HOMER2: variants seen among roughly 807,000 people sequenced by gnomAD.
HOMER2 encodes the protein homer protein homolog 2.
Under a neutral mutation model 47.0 loss-of-function variants are expected in HOMER2, and 27 were observed. That is an observed-to-expected ratio of 0.57 (90% CI 0.42 to 0.79). HOMER2 has a LOEUF of 0.79. Ranked by LOEUF, HOMER2 falls within the 30% of genes least tolerant of loss-of-function variation. HOMER2 has a pLI of 0.00. For missense variants in HOMER2, 443 were observed against 435.0 expected (o/e 1.02, Z -0.16); for synonymous variants, 161 against 163.8 (o/e 0.98, Z 0.13).
intron 1 of HOMER2, among the ~76,000 whole-genome samples, chr15:82,962,215 G>A (rs373893548): frequency 2.6e-5 from 4 of 151,686 alleles, no homozygotes; most frequent in East Asian, 2.0e-4. Flanking sequence ...CTAAAAATAC[G>A]AAAAATTAGC....
chr15:82,914,714 A>C (rs1006635252), intron 1 of HOMER2, among the ~76,000 whole-genome samples: 1 of 152,212 alleles, frequency 6.6e-6, no homozygotes, highest in Non-Finnish European at 1.5e-5. Flanking sequence ...GGTACATTTT[A>C]TGTGTGTTTT....
chr15:82,849,751 G>A lies in HOMER2; in HGVS notation c.996C>T (p.Phe332=), dbSNP rs2051327900. The change falls in exon 9 of 9, where the codon TTC becomes TTT. Residue 332 remains phenylalanine (F), a synonymous_variant. Transcript: ENST00000450735. The stretch of plus-strand genomic sequence containing the variant: ...TGCCCAGCTTGGAGAGCCCTCGGCG[G>A]AAGTCATGCAGGTCGTCAATCTTCC... ...LDGKIDDLHD[F]RRGLSKLGTD... is the part of the protein sequence containing the mutation. The A allele has an allele frequency of 6.2e-7, 1 of 1,613,876 alleles. No homozygotes were observed. Among genetic ancestry groups the A allele is most frequent in the Non-Finnish European group, 8.5e-7 (1 of 1,179,848 alleles).
At chr15:82,845,921 C>T (rs7178859), downstream of HOMER2, 25,490 of 152,234 alleles carry the variant, frequency 0.17, 2,471 homozygotes, top group Middle Eastern at 0.22. Flanking sequence ...TACGCTCCAC[C>T]CTTTACTTGA....
intron 1 of HOMER2, among the ~76,000 whole-genome samples, chr15:82,897,515 C>T (rs1477612159): frequency 6.6e-6 from 1 of 152,164 alleles, no homozygotes; most frequent in African/African-American, 2.4e-5. Context: ...TATGGAATCC[C>T]CTCCTCTTGA....
Position 82,952,615 on chromosome 15 carries a change from G to T in HOMER2, c.-80C>A, listed in dbSNP as rs1009526924. On this transcript the variant is annotated 5_prime_UTR_variant, in exon 1 of 9. Transcript: ENST00000450735. The stretch of plus-strand genomic sequence containing the variant: ...CCCGCTCGGCAGCCGCTCCCCGCGC[G>T]GCACATGCGGCGGCCCGTGCGCGCC... The T allele has an allele frequency of 3.7e-6, 4 of 1,073,254 alleles. No homozygotes were observed. The highest frequency in any genetic ancestry group is 8.4e-4 in the Middle Eastern group (2 of 2,392). The allele number at this position is 1,073,254 out of a possible 1,614,324, so 66.5% of individuals were successfully genotyped here. A position where few individuals can be genotyped will look rare whatever the true frequency, so the allele number is the denominator to read the frequency against.
chr15:82,889,176 C>T (rs2052633832), intron 2 of HOMER2, among the ~76,000 whole-genome samples: 1 of 152,244 alleles, frequency 6.6e-6, no homozygotes, highest in Non-Finnish European at 1.5e-5. Context: ...CGCATCTGAC[C>T]ACCTGTCATC....
At chr15:82,863,190 C>A (rs1471699686) in intron 4 of HOMER2, among the ~76,000 whole-genome samples, 1 of 151,890 alleles carries the variant, frequency 6.6e-6, no homozygotes, top group Non-Finnish European at 1.5e-5. Context: ...CATTTGCAAC[C>A]CCCTCCCCGG....
chr15:82,891,144 C>T (rs979730728), intron 2 of HOMER2, among the ~76,000 whole-genome samples: 24 of 152,120 alleles, frequency 1.6e-4, no homozygotes, highest in Admixed American at 1.3e-4. Context: ...ACACACTACC[C>T]GCCTGATAGG....
intron 8 of HOMER2, 102 bp from the exon 9 acceptor site, chr15:82,850,005 G>T (rs939006726): frequency 1.7e-5 from 21 of 1,235,060 alleles, no homozygotes; most frequent in Non-Finnish European, 2.3e-5. Context: ...CAATCTGAGG[G>T]CCTGGGCCAG....
intron 8 of HOMER2, among the ~76,000 whole-genome samples, chr15:82,850,690 G>A (rs1238314511): frequency 6.6e-6 from 1 of 152,226 alleles, no homozygotes; most frequent in Non-Finnish European, 1.5e-5. Flanking sequence ...CAGAGGACCT[G>A]CAGGGAAGAG....
At chr15:82,892,068 T>C (rs942350202) in intron 2 of HOMER2, among the ~76,000 whole-genome samples, 1 of 151,930 alleles carries the variant, frequency 6.6e-6, no homozygotes, top group Non-Finnish European at 1.5e-5. Flanking sequence ...AAAAATATCA[T>C]GGGAGACAGA....
intron 1 of HOMER2, among the ~76,000 whole-genome samples, chr15:82,980,023 A>G (rs1004551931): frequency 6.6e-6 from 1 of 152,196 alleles, no homozygotes; most frequent in African/African-American, 2.4e-5. Context: ...TGGGGATACC[A>G]ACTTTTAAGT....
chr15:82,973,694 A>G (rs1208173280), intron 1 of HOMER2, among the ~76,000 whole-genome samples: 1 of 152,228 alleles, frequency 6.6e-6, no homozygotes, highest in Non-Finnish European at 1.5e-5. Context: ...AAATCATTAT[A>G]ATCTCATTTT....
intron 2 of HOMER2, 60 bp downstream of exon 2, chr15:82,892,625 G>T (rs560681301): frequency 2.3e-5 from 31 of 1,333,070 alleles, no homozygotes; most frequent in Non-Finnish European, 2.9e-5. Context: ...AGGATTTTGG[G>T]TGCATCTTGG....
intron 1 of HOMER2, among the ~76,000 whole-genome samples, chr15:82,950,441 G>A (rs986102604): frequency 6.6e-6 from 1 of 152,078 alleles, no homozygotes; most frequent in Non-Finnish European, 1.5e-5. Context: ...TCGCAGCAAG[G>A]TTTTCTACTA....
At chr15:82,907,460 G>A (rs1748298695) in intron 1 of HOMER2, among the ~76,000 whole-genome samples, 1 of 147,918 alleles carries the variant, frequency 6.8e-6, no homozygotes, top group South Asian at 2.1e-4. Context: ...AAAGAAAGAA[G>A]GAAGGAAGGA....
intron 2 of HOMER2, 32 bp downstream of exon 2, chr15:82,892,653 G>A: frequency 1.4e-6 from 2 of 1,454,208 alleles, no homozygotes; most frequent in Non-Finnish European, 1.8e-6. Flanking sequence ...ATAAGCAACT[G>A]GGAGTATTAA....
chr15:82,852,179 ATCC>A lies in HOMER2; in HGVS notation c.722_724del (p.Arg241del). 6.2e-7 allele frequency: 1 copy of A among 1,613,808 alleles called. No individual in the cohort carries two copies. The highest frequency in any genetic ancestry group is 1.3e-5 in the African/African-American group (1 of 75,000). ...TCGGAGCTCTGCCTCCAGCTCCTCG[ATCC>A]TCCTCTTCAGCTGCGTGTTCTTCTC... is the stretch of plus-strand genomic sequence containing the variant. On this transcript the variant is annotated inframe_deletion, in exon 7 of 9. Coordinates refer to ENST00000450735, the MANE Select transcript of HOMER2 (RefSeq NM_004839.4).
At chr15:82,868,541 A>ATATATATATTTTTTTTTTTTT in intron 3 of HOMER2, among the ~76,000 whole-genome samples, 1 of 71,290 alleles carries the variant, frequency 1.4e-5, no homozygotes, top group African/African-American at 5.0e-5. Context: ...ATATATATAT[A>ATATATATATTTTTTTTTTTTT]TTTTTTTTTT....
Sources: gnomAD v4.1 joint callset for allele counts (sites outside exome capture counted in the v4.1 genomes callset) on GRCh38, gnomAD v4.1.1 for gene constraint, MANE v1.5 for transcripts, NCBI Gene and HGNC (gene_info 2026-07-23, HGNC 2026-07-21) for gene names.